SEC24D: variants seen among roughly 807,000 people sequenced by gnomAD.
SEC24D encodes protein transport protein Sec24D.
In SEC24D, 69 loss-of-function variants were observed where a neutral mutation model predicts 116.9. The observed-to-expected ratio is 0.59, with a 90% CI of 0.49 to 0.72. The LOEUF (loss-of-function observed/expected upper bound fraction) is 0.72. Ranked by LOEUF, SEC24D falls within the 30% of genes least tolerant of loss-of-function variation. SEC24D has a pLI of 0.00. For synonymous variants in SEC24D, 405 were observed against 442.8 expected (o/e 0.91, Z 1.07); for missense variants, 1,131 against 1,264.1 (o/e 0.89, Z 1.60).
intron 6 of SEC24D, among the ~76,000 whole-genome samples, chr4:118,810,137 T>TGG (rs56961502): frequency 0.037 from 3,902 of 104,264 alleles, 269 homozygotes; most frequent in Admixed American, 0.058. Flanking sequence ...TGTGTGTGTG[T>TGG]CAGAGGGTAT....
At chr4:118,727,205 T>C (rs1419094162) in intron 22 of SEC24D, among the ~76,000 whole-genome samples, 1 of 152,238 alleles carries the variant, frequency 6.6e-6, no homozygotes, top group South Asian at 2.1e-4. Context: ...TAATTCTTTA[T>C]AGAGATAGCA....
chr4:118,765,003 A>G (rs1727574104), intron 9 of SEC24D, 86 bp from the exon 10 acceptor site: 1 of 767,102 alleles, frequency 1.3e-6, no homozygotes, highest in Non-Finnish European at 2.3e-6. Flanking sequence ...TTATGAGAGG[A>G]AAGGAGTTAG....
chr4:118,760,894 T>C (rs972855287), intron 10 of SEC24D, among the ~76,000 whole-genome samples: 4 of 151,830 alleles, frequency 2.6e-5, no homozygotes, highest in Non-Finnish European at 5.9e-5. Flanking sequence ...TTTATTTTTA[T>C]TTTTAGTAGA....
intron 11 of SEC24D, among the ~76,000 whole-genome samples, chr4:118,757,098 C>T (rs772801230): frequency 1.3e-5 from 2 of 152,172 alleles, no homozygotes; most frequent in Non-Finnish European, 2.9e-5. Flanking sequence ...ATATGCCCAA[C>T]AGCCTTTTTA....
At chr4:118,786,443 G>C (rs114655656) in intron 8 of SEC24D, among the ~76,000 whole-genome samples, 1 of 151,994 alleles carries the variant, frequency 6.6e-6, no homozygotes, top group East Asian at 1.9e-4. Flanking sequence ...TAGCAAAGAC[G>C]CACAGCTGCA....
rs71954957 is a variant in SEC24D, at chr4:118,804,885, TACACACAC to T, written c.913+950_913+957del. Among the ~76,000 whole-genome samples, 881 of 140,990 alleles carry T rather than the reference TACACACAC, an allele frequency of 6.2e-3. 12 individuals are homozygous for T. The highest frequency in any genetic ancestry group is 0.018 in the Middle Eastern group (5 of 276). 92.5% of individuals were successfully genotyped at this position (140,990 alleles called of 152,430 possible). A position where few individuals can be genotyped will look rare whatever the true frequency, so the allele number is the denominator to read the frequency against. On this transcript the variant is annotated intron_variant, in intron 7 of 22. Transcript: ENST00000280551. ...AAGCATACTTATGTGTATGCATGCA[TACACACAC>T]ACACACACACACACACACACACACA...
intron 8 of SEC24D, among the ~76,000 whole-genome samples, chr4:118,779,718 G>A (rs1261316981): frequency 6.6e-6 from 1 of 152,166 alleles, no homozygotes; most frequent in Non-Finnish European, 1.5e-5. Context: ...ATTCAGCTGT[G>A]AATCCATCTG....
intron 15 of SEC24D, among the ~76,000 whole-genome samples, chr4:118,741,558 T>A (rs1391748466): frequency 6.6e-6 from 1 of 152,186 alleles, no homozygotes; most frequent in Non-Finnish European, 1.5e-5. Flanking sequence ...TTATATAATA[T>A]GCACATGTGC....
chr4:118,810,137 T>TGTGTGTGTGTGTGTGTGTGAGAG (rs56961502), intron 6 of SEC24D, among the ~76,000 whole-genome samples: 1 of 104,280 alleles, frequency 9.6e-6, no homozygotes, highest in African/African-American at 3.2e-5. Context: ...TGTGTGTGTG[T>TGTGTGTGTGTGTGTGTGTGAGAG]CAGAGGGTAT....
intron 20 of SEC24D, 57 bp downstream of exon 20, chr4:118,732,676 C>T: frequency 1.3e-6 from 2 of 1,529,092 alleles, no homozygotes; most frequent in South Asian, 1.2e-5. Flanking sequence ...CGGGAAAGCA[C>T]AAAATATGAT....
chr4:118,742,502 G>A (rs1012386739), intron 15 of SEC24D, among the ~76,000 whole-genome samples: 3 of 152,166 alleles, frequency 2.0e-5, no homozygotes, highest in African/African-American at 7.2e-5. Context: ...TCAGAATTCT[G>A]TATGATTATT....
intron 8 of SEC24D, among the ~76,000 whole-genome samples, chr4:118,784,464 ACC>A (rs931849524): frequency 1.3e-5 from 2 of 152,168 alleles, no homozygotes; most frequent in African/African-American, 4.8e-5. Context: ...GATGTAGTAA[ACC>A]CCAAAAAACT....
chr4:118,826,666 T>C (rs1730604497), intron 2 of SEC24D, among the ~76,000 whole-genome samples: 1 of 151,614 alleles, frequency 6.6e-6, no homozygotes, highest in African/African-American at 2.4e-5. Context: ...TCCAAAAATA[T>C]TCCCCCTTTA....
Position 118,740,756 on chromosome 4 carries a change from A to G in SEC24D, c.2145T>C (p.Asp715=), listed in dbSNP as rs907879233. The change falls in exon 17 of 23, where the codon GAT becomes GAC. Residue 715 remains aspartate, a synonymous_variant. Transcript: ENST00000280551. ...FGGILMNNTT[D]VEMAAIDCDK... ...CACAATCGATGGCAGCCATTTCTAC[A>G]TCGGTGGTGTTGTTCATCAAGATTC... 2.5e-6 allele frequency: 4 copies of G among 1,613,844 alleles called. No individual in the cohort carries two copies. Among genetic ancestry groups the G allele is most frequent in the African/African-American group, 1.3e-5 (1 of 74,908 alleles).
intron 13 of SEC24D, among the ~76,000 whole-genome samples, chr4:118,745,339 A>G (rs1362089285): frequency 3.9e-5 from 6 of 152,214 alleles, no homozygotes; most frequent in Admixed American, 3.9e-4. Flanking sequence ...ACTTTAAAAA[A>G]ACTATTAAAA....
intron 6 of SEC24D, among the ~76,000 whole-genome samples, chr4:118,808,027 A>T (rs1729748257): frequency 6.6e-6 from 1 of 152,086 alleles, no homozygotes; most frequent in South Asian, 2.1e-4. Flanking sequence ...AGTGGTGTGA[A>T]GGGGGTTCAC....
chr4:118,784,732 C>CT (rs1728584229), intron 8 of SEC24D, among the ~76,000 whole-genome samples: 3 of 134,848 alleles, frequency 2.2e-5, no homozygotes, highest in Admixed American at 1.5e-4. Context: ...TCATAACATC[C>CT]TTCCCTGCCC....
chr4:118,750,098 T>C (rs1726748123), intron 13 of SEC24D, among the ~76,000 whole-genome samples: 1 of 152,158 alleles, frequency 6.6e-6, no homozygotes, highest in South Asian at 2.1e-4. Context: ...AAAAATAAGA[T>C]GCAAAAGATA....
intron 3 of SEC24D, 71 bp downstream of exon 3, chr4:118,824,549 A>G (rs1730518923): frequency 6.7e-7 from 1 of 1,497,442 alleles, no homozygotes; most frequent in African/African-American, 1.4e-5. Context: ...ATAAACATAC[A>G]AGCTTAGAAG....
Sources: gnomAD v4.1 joint callset for allele counts (sites outside exome capture counted in the v4.1 genomes callset) on GRCh38, gnomAD v4.1.1 for gene constraint, MANE v1.5 for transcripts, NCBI Gene and HGNC (gene_info 2026-07-23, HGNC 2026-07-21) for gene names.